The following LMF1 variants were observed in gnomAD, a reference collection of about 807,000 sequenced individuals.
LMF1 encodes lipase maturation factor 1.
A neutral mutation model predicts 60.6 loss-of-function variants in LMF1; 68 were observed. That is an observed-to-expected ratio of 1.12 (90% CI 0.92 to 1.37). LMF1 has a LOEUF of 1.37. Among genes scored for constraint, LMF1 ranks in the 40% most tolerant of loss-of-function variants. The pLI is 0.00. For synonymous variants in LMF1, 418 were observed against 324.7 expected, an observed-to-expected ratio of 1.29 and a Z score of -3.09; for missense variants, 948 against 767.2, an observed-to-expected ratio of 1.24 and a Z score of -2.78.
At chr16:954,958 C>CGCACACACACA (rs1567316311) in intron 1 of LMF1, among the ~76,000 whole-genome samples, 2 of 60,230 alleles carry the variant, frequency 3.3e-5, no homozygotes, top group African/African-American at 1.6e-4. Context: ...GTGTGTGCAT[C>CGCACACACACA]CACACACACA....
At chr16:910,287 G>A (rs1326587045) in intron 4 of LMF1, among the ~76,000 whole-genome samples, 2 of 152,190 alleles carry the variant, frequency 1.3e-5, no homozygotes, top group Non-Finnish European at 2.9e-5. Flanking sequence ...CCCCTGGCTG[G>A]GCAGGAAGCA....
chr16:895,062 A>T (rs2070624532), intron 4 of LMF1, among the ~76,000 whole-genome samples: 1 of 152,022 alleles, frequency 6.6e-6, no homozygotes, highest in Non-Finnish European at 1.5e-5. Context: ...CCGCGGGGGG[A>T]GGCCCAGGAG....
intron 1 of LMF1, among the ~76,000 whole-genome samples, chr16:965,763 C>T (rs569425046): frequency 1.8e-3 from 269 of 152,228 alleles, no homozygotes; most frequent in African/African-American, 6.0e-3. Flanking sequence ...CCTGCTGGGC[C>T]GCACCTCGGG....
At chr16:918,834 G>GCGTCC (rs1285154237) in intron 3 of LMF1, among the ~76,000 whole-genome samples, 3 of 148,148 alleles carry the variant, frequency 2.0e-5, no homozygotes, top group African/African-American at 7.3e-5. Context: ...CGCGGGGCCG[G>GCGTCC]CATCCCGGGG....
rs557044213 is a variant in LMF1 at position 854,136 on chromosome 16, C to G, written c.*396G>C. On this transcript the variant is annotated 3_prime_UTR_variant, in exon 11 of 11. Coordinates refer to ENST00000262301, the MANE Select transcript of LMF1 (RefSeq NM_022773.4). ...ATTGAAGAGGGAACAGAAACCAGGCCCTGGGACGCTAGAGACCCCAAGAGC... is the reference window on the plus strand; with the variant it reads ...ATTGAAGAGGGAACAGAAACCAGGCGCTGGGACGCTAGAGACCCCAAGAGC... 2.1e-6 allele frequency: 1 copy of G among 470,188 alleles called. No individual in the cohort carries two copies. Among genetic ancestry groups the G allele is most frequent in the East Asian group, 6.5e-5 (1 of 15,418 alleles). 29.1% of individuals were successfully genotyped at this position (470,188 alleles called of 1,614,324 possible).
intron 10 of LMF1, chr16:855,475 G>C: frequency 2.8e-6 from 1 of 357,926 alleles, no homozygotes; most frequent in Non-Finnish European, 5.5e-6. Flanking sequence ...GACTCTCGGA[G>C]GACTGGGCAT....
At chr16:865,537 A>G (rs1175293606) in intron 10 of LMF1, among the ~76,000 whole-genome samples, 1 of 151,944 alleles carries the variant, frequency 6.6e-6, no homozygotes, top group African/African-American at 2.4e-5. Context: ...TGTAGAGACG[A>G]GACTTCACCA....
At chr16:913,437 G>C (rs2071178605) in intron 3 of LMF1, among the ~76,000 whole-genome samples, 1 of 152,254 alleles carries the variant, frequency 6.6e-6, no homozygotes, top group African/African-American at 2.4e-5. Flanking sequence ...CCTGCCCGCT[G>C]GACAGGGTGC....
At chr16:965,460 G>A (rs899168662) in intron 1 of LMF1, among the ~76,000 whole-genome samples, 1 of 152,206 alleles carries the variant, frequency 6.6e-6, no homozygotes, top group Non-Finnish European at 1.5e-5. Context: ...GAGACTCCTC[G>A]ATAAATAACC....
In LMF1 at chr16:874,626, C is replaced by G. The variant is rs1318723920; in HGVS notation, c.898-3285G>C. 6.6e-6 allele frequency among the ~76,000 whole-genome samples: 1 copy of G among 152,162 alleles called. No individual in the cohort carries two copies. Among genetic ancestry groups the G allele is most frequent in the Non-Finnish European group, 1.5e-5 (1 of 68,018 alleles). On this transcript the variant is annotated intron_variant, in intron 6 of 10. Transcript: ENST00000262301. The surrounding 1 kb of genome is among the most constrained non-coding windows in gnomAD (Gnocchi z 4.1). ...TGTAAACTGCGTGGGAGGAGGGAGG[C>G]TGCTCATGCCGCAACTCCCCAACGG...
chr16:854,416 C>T lies in LMF1; in HGVS notation c.*116G>A, dbSNP rs2069131083. 1.9e-6 allele frequency: 2 copies of T among 1,077,474 alleles called. No individual in the cohort carries two copies. The highest frequency in any genetic ancestry group is 1.4e-5 in the South Asian group (1 of 71,916). The allele number at this position is 1,077,474 out of a possible 1,614,324, so 66.7% of individuals were successfully genotyped here. A position where few individuals can be genotyped will look rare whatever the true frequency, so the allele number is the denominator to read the frequency against. On this transcript the variant is annotated 3_prime_UTR_variant, in exon 11 of 11. Coordinates refer to ENST00000262301, the MANE Select transcript of LMF1 (RefSeq NM_022773.4). ...CCCCCGTGCTGGGGGCTGGGTCCCACCGCTCTCCTCTCCACGTCTCTCTTG... is the reference window on the plus strand; with the variant it reads ...CCCCCGTGCTGGGGGCTGGGTCCCATCGCTCTCCTCTCCACGTCTCTCTTG...
intron 3 of LMF1, among the ~76,000 whole-genome samples, chr16:932,168 G>A (rs2071806512): frequency 6.6e-6 from 1 of 152,212 alleles, no homozygotes; most frequent in Admixed American, 6.5e-5. Flanking sequence ...ACTGCCCCAG[G>A]CACTTCCCCC....
At chr16:872,947 TGAGTG>T in intron 6 of LMF1, 1 of 152,258 alleles carries the variant, frequency 6.6e-6, no homozygotes, top group Non-Finnish European at 1.5e-5. Context: ...GGGCCCTGCC[TGAGTG>T]TATTTCCAAA....
chr16:946,080 A>G (rs1333140941), intron 2 of LMF1, among the ~76,000 whole-genome samples: 1 of 152,258 alleles, frequency 6.6e-6, no homozygotes, highest in Non-Finnish European at 1.5e-5. Flanking sequence ...CTAATGGTGG[A>G]CACAGAGTTC....
intron 4 of LMF1, chr16:900,133 A>C (rs1359736291): frequency 6.6e-6 from 1 of 152,192 alleles, no homozygotes; most frequent in Non-Finnish European, 1.5e-5. Context: ...TGTCACACTG[A>C]CTGGCCTAAG....
At chr16:900,617 C>G (rs2070781766) in intron 4 of LMF1, 1 of 152,218 alleles carries the variant, frequency 6.6e-6, no homozygotes, top group Non-Finnish European at 1.5e-5. Context: ...TCAAGCAATT[C>G]TCCTGCCTCA....
upstream of LMF1, among the ~76,000 whole-genome samples, chr16:972,428 C>T (rs1465993343): frequency 4.6e-5 from 7 of 152,168 alleles, no homozygotes; most frequent in Admixed American, 6.5e-5. Context: ...GGCTGGCGCC[C>T]GGCACCCAAG....
intron 2 of LMF1, among the ~76,000 whole-genome samples, chr16:951,288 A>G (rs2072460502): frequency 6.6e-6 from 1 of 151,894 alleles, no homozygotes; most frequent in Non-Finnish European, 1.5e-5. Flanking sequence ...AGAGTCAGCC[A>G]AGGACAGAGT....
intron 4 of LMF1, among the ~76,000 whole-genome samples, chr16:910,226 CAG>C (rs2071072614): frequency 6.6e-6 from 1 of 152,222 alleles, no homozygotes; most frequent in South Asian, 2.1e-4. Context: ...TGAAGCTGAA[CAG>C]GGGGTTGGCA....
Sources: allele counts gnomAD v4.1 joint callset (sites outside exome capture counted in the v4.1 genomes callset), GRCh38; gene constraint gnomAD v4.1.1; non-coding constraint Gnocchi (gnomAD v3.1); transcripts MANE v1.5; gene names NCBI Gene and HGNC (gene_info 2026-07-23, HGNC 2026-07-21).